The following MAST4 variants were observed in gnomAD, a reference collection of about 807,000 sequenced individuals.
MAST4 encodes the protein microtubule associated serine/threonine kinase family member 4.
Under a neutral mutation model 162.7 loss-of-function variants are expected in MAST4, and 89 were observed. The observed-to-expected ratio is 0.55, with a 90% CI of 0.46 to 0.65. MAST4 has a LOEUF of 0.65. Ranked by LOEUF, MAST4 falls within the 30% of genes least tolerant of loss-of-function variation. The pLI, the probability that MAST4 is intolerant of heterozygous loss-of-function variation, is 0.00. For missense variants in MAST4, 3,153 were observed against 3,374.0 expected (o/e 0.93, Z 1.62); for synonymous variants, 1,479 against 1,361.1 (o/e 1.09, Z -1.91).
chr5:66,949,079 T>C (rs1744371240), intron 4 of MAST4, among the ~76,000 whole-genome samples: 1 of 152,124 alleles, frequency 6.6e-6, no homozygotes, highest in Non-Finnish European at 1.5e-5. Context: ...TAGACAAAAA[T>C]ATTAAATTAA....
chr5:66,684,009 G>C (rs1163340782), intron 1 of MAST4, among the ~76,000 whole-genome samples: 1 of 152,194 alleles, frequency 6.6e-6, no homozygotes, highest in African/African-American at 2.4e-5. Context: ...CATGAGTCGT[G>C]TGTTTTTCAC....
chr5:67,115,247 A>G (rs1766754333), intron 12 of MAST4, among the ~76,000 whole-genome samples: 1 of 152,160 alleles, frequency 6.6e-6, no homozygotes, highest in Admixed American at 6.5e-5. Flanking sequence ...CTCCCCAAAA[A>G]GACTCAAAAA....
At chr5:66,689,545 C>T (rs4273564) in intron 1 of MAST4, among the ~76,000 whole-genome samples, 26,414 of 152,136 alleles carry the variant, frequency 0.17, 2,616 homozygotes, top group East Asian at 0.31. Context: ...GCTCTGTCTT[C>T]CCTGTTAAAC....
chr5:67,163,320 C>G lies in MAST4; in HGVS notation c.4141C>G (p.Arg1381Gly), dbSNP rs774346272. Residue 1381 changes from arginine (R) to glycine (G), a missense_variant, in exon 29 of 29, where the codon CGG becomes GGG. Arg to Gly is a moderately radical substitution (Grantham distance 125). Coordinates refer to ENST00000403625, the MANE Select transcript of MAST4 (RefSeq NM_001164664.2). The surrounding 1 kb of genome is among the most constrained non-coding windows in gnomAD (Gnocchi z 7.0). ...CAACATCCCACTGTCCCCGCTGGCC[C>G]GGACGCCCTCTCCAACCCCGCAACC... Reference protein sequence around the residue: ...AGNIPLSPLARTPSPTPQPTS... With the variant: ...AGNIPLSPLAGTPSPTPQPTS... The G allele has an allele frequency of 6.2e-7, 1 of 1,612,958 alleles. No individual in the cohort carries two copies. Among genetic ancestry groups the G allele is most frequent in the Non-Finnish European group, 8.5e-7 (1 of 1,179,850 alleles).
chr5:67,140,957 C>T (rs530655336), intron 19 of MAST4, among the ~76,000 whole-genome samples: 2 of 152,284 alleles, frequency 1.3e-5, no homozygotes, highest in South Asian at 4.2e-4. Flanking sequence ...TGTTTTCACT[C>T]CATTCCATCA....
chr5:66,819,594 T>G lies in MAST4; in HGVS notation c.642+30800T>G, dbSNP rs556850170. ...TGAGGGATTCCATACTAATTTTAGT[T>G]AACATGTATGTCTTTGGTCAATCAT... On this transcript the variant is annotated intron_variant, in intron 3 of 28. Transcript: ENST00000403625. Among the ~76,000 whole-genome samples the G allele has an allele frequency of 5.3e-5, 8 of 152,330 alleles. No homozygotes were observed. In the South Asian group the frequency reaches 6.2e-4, roughly 12 times the overall value.
chr5:66,870,727 CCTT>C (rs559391296), intron 3 of MAST4: 298 of 469,308 alleles, frequency 6.3e-4, no homozygotes, highest in African/African-American at 5.5e-3. Context: ...CCACACCCCA[CCTT>C]CTCCCTTCCC....
In MAST4 at chr5:66,980,830, G is replaced by A. The variant is rs1748714011; in HGVS notation, c.675-73574G>A. On this transcript the variant is annotated intron_variant, in intron 4 of 28. Transcript: ENST00000403625. ...TCTTCAGTTTTAGAATAAATGCTCT[G>A]GCTGGGCCTAGAAAGTGTAGGTATT... 2.6e-5 allele frequency among the ~76,000 whole-genome samples: 4 copies of A among 152,124 alleles called. No homozygotes were observed. The South Asian group carries it at 8.3e-4, about 32-fold the overall frequency.
At position 67,166,668 on chromosome 5, in the gene MAST4, C is replaced by T. The variant is rs371775055; in HGVS notation, c.7489C>T (p.Pro2497Ser). 1.3e-6 allele frequency: 2 copies of T among 1,597,402 alleles called. No homozygotes were observed. Among genetic ancestry groups the T allele is most frequent in the South Asian group, 1.1e-5 (1 of 88,198 alleles). ...CGGGGGCATGCTGGAGCTTCCAGCC[C>T]CCAGCAACAGGGACCATAGGAAGGC... ...AAGGMLELPAPSNRDHRKAQP... is the reference protein window; with the variant it reads ...AAGGMLELPASSNRDHRKAQP... Residue 2497 changes from proline to serine, a missense_variant, in exon 29 of 29, where the codon CCC becomes TCC. By Grantham distance (74) the Pro-to-Ser change is moderately conservative. Around this residue, in one of 7 missense-constraint regions of MAST4, gnomAD observed 1,644 missense variants for 1,495.0 expected, o/e 1.10. Transcript: ENST00000403625.
At chr5:67,118,794 A>G in intron 13 of MAST4, 45 bp downstream of exon 13, 1 of 1,148,724 alleles carries the variant, frequency 8.7e-7, no homozygotes, top group Non-Finnish European at 1.3e-6. Context: ...TTTTCTGTTT[A>G]GCATCTGGAG....
rs761796064 is a variant in MAST4, at chr5:67,163,805, C to T, written c.4626C>T (p.Asp1542=). The T allele has an allele frequency of 1.1e-5, 17 of 1,612,276 alleles. No homozygotes were observed. In the East Asian group the frequency reaches 1.8e-4, roughly 17 times the overall value. Residue 1542 remains aspartate (D), a synonymous_variant, in exon 29 of 29, where the codon GAC becomes GAT. Coordinates refer to ENST00000403625, the MANE Select transcript of MAST4 (RefSeq NM_001164664.2). This position sits in a 1 kb window ranked among gnomAD's most constrained non-coding sequence, Gnocchi z 7.0. ...LKAKVVVKKA[D]GFPEKQESHQ... ...CCAAGGTGGTGGTGAAGAAAGCAGA[C>T]GGCTTCCCAGAGAAACAGGAATCCC...
At chr5:67,061,578 G>A (rs1318256366) in intron 5 of MAST4, among the ~76,000 whole-genome samples, 1 of 151,120 alleles carries the variant, frequency 6.6e-6, no homozygotes, top group African/African-American at 2.4e-5. Flanking sequence ...GGTCCAAACT[G>A]TCAGTCTTTT....
chr5:67,016,325 C>CT (rs1753281893), intron 4 of MAST4, among the ~76,000 whole-genome samples: 1 of 152,180 alleles, frequency 6.6e-6, no homozygotes, highest in Admixed American at 6.5e-5. Context: ...TGGATAAAAA[C>CT]TTTACTATCT....
intron 6 of MAST4, chr5:67,093,657 G>C (rs763258366): frequency 1.3e-5 from 6 of 461,722 alleles, no homozygotes; most frequent in Non-Finnish European, 2.6e-5. Context: ...TTATGCTTCA[G>C]AACTAATAAG....
intron 11 of MAST4, among the ~76,000 whole-genome samples, chr5:67,111,706 A>C (rs1766268493): frequency 6.6e-6 from 1 of 152,146 alleles, no homozygotes; most frequent in Admixed American, 6.6e-5. Context: ...TAGCATTAAA[A>C]CCTGTTTTTC....
intron 3 of MAST4, among the ~76,000 whole-genome samples, chr5:66,883,376 G>A (rs1435338175): frequency 6.7e-6 from 1 of 150,168 alleles, no homozygotes; most frequent in African/African-American, 2.4e-5. Context: ...ACAAAGATAA[G>A]CCTTGGCCAT....
At position 66,948,892 on chromosome 5, in the gene MAST4, C is replaced by T. The variant is rs184748399; in HGVS notation, c.674+48910C>T. 4.4e-3 allele frequency among the ~76,000 whole-genome samples: 670 copies of T among 152,184 alleles called. 4 individuals carry two copies. The highest frequency in any genetic ancestry group is 3.6e-3 in the Non-Finnish European group (242 of 67,996). On this transcript the variant is annotated intron_variant, in intron 4 of 28. Transcript: ENST00000403625. ...TTAAGCACTTAATATAAAACAGTGACTATAAAGATGTGTGACTCCTGCCTT... is the reference window on the plus strand; with the variant it reads ...TTAAGCACTTAATATAAAACAGTGATTATAAAGATGTGTGACTCCTGCCTT...
At chr5:67,052,748 A>C (rs1490180879) in intron 4 of MAST4, among the ~76,000 whole-genome samples, 2 of 152,136 alleles carry the variant, frequency 1.3e-5, no homozygotes, top group Non-Finnish European at 2.9e-5. Flanking sequence ...AACACGAAAA[A>C]ATGTAGCCAT....
intron 1 of MAST4, among the ~76,000 whole-genome samples, chr5:66,624,695 A>G (rs538010303): frequency 1.3e-5 from 2 of 152,334 alleles, no homozygotes; most frequent in African/African-American, 4.8e-5. Flanking sequence ...ATAAAAGCAG[A>G]TATACTGGCC....
Sources: allele counts gnomAD v4.1 joint callset (sites outside exome capture counted in the v4.1 genomes callset), GRCh38; gene constraint gnomAD v4.1.1; regional missense constraint gnomAD v4.1.1; non-coding constraint Gnocchi (gnomAD v3.1); transcripts MANE v1.5; gene names NCBI Gene and HGNC (gene_info 2026-07-23, HGNC 2026-07-21).